Variants in CRLF1 observed in about 807,000 individuals in gnomAD.
The protein encoded by CRLF1 is cytokine receptor-like factor 1.
A neutral mutation model predicts 48.9 loss-of-function variants in CRLF1; 36 were observed. The ratio of observed to expected loss-of-function variants is 0.74; its 90% CI spans 0.56 to 0.97. The LOEUF (loss-of-function observed/expected upper bound fraction) is 0.97. Ranked by LOEUF, CRLF1 falls within the 50% of genes least tolerant of loss-of-function variation. The probability of loss-of-function intolerance (pLI) is 0.00; values close to 1 mark genes in which losing one functional copy is unlikely to be tolerated. For missense variants in CRLF1, 534 were observed against 575.1 expected (o/e 0.93, Z 0.73); for synonymous variants, 256 against 253.4 (o/e 1.01, Z -0.10).
chr19:18,601,280 T>G (rs1976217351), intron 1 of CRLF1, among the ~76,000 whole-genome samples: 1 of 136,814 alleles, frequency 7.3e-6, no homozygotes, highest in African/African-American at 2.9e-5. Flanking sequence ...GAGCACCATG[T>G]TTTTTTTTTT....
Position 18,593,529 on chromosome 19 carries a change from T to G in CRLF1, c.*37A>C. 1 of 1,609,672 alleles carries G rather than the reference T, an allele frequency of 6.2e-7. No homozygotes were observed. Among genetic ancestry groups the G allele is most frequent in the Non-Finnish European group, 8.5e-7 (1 of 1,178,528 alleles). On this transcript the variant is annotated 3_prime_UTR_variant, in exon 9 of 9. Transcript: ENST00000392386. ...CCAGTTTGGGTTCGGCCTCTGCGTC[T>G]CCACGTGGCAGGGAGGGTGGCCTGA... is the stretch of plus-strand genomic sequence containing the variant.
At chr19:18,603,870 C>G (rs1250912519) in intron 1 of CRLF1, among the ~76,000 whole-genome samples, 1 of 80,952 alleles carries the variant, frequency 1.2e-5, no homozygotes. Context: ...GGGCCAGAGC[C>G]GAGGAGGCGG....
chr19:18,600,373 AT>A (rs35218652), intron 1 of CRLF1, among the ~76,000 whole-genome samples: 91 of 107,666 alleles, frequency 8.5e-4, no homozygotes, highest in Middle Eastern at 5.8e-3. Flanking sequence ...TAACTTTTGT[AT>A]TTTTTTTTTT....
Position 18,598,544 on chromosome 19 carries a change from G to C in CRLF1, c.585C>G (p.Cys195Trp). 6.2e-7 allele frequency: 1 copy of C among 1,614,092 alleles called. No homozygotes were observed. The highest frequency in any genetic ancestry group is 8.5e-7 in the Non-Finnish European group (1 of 1,179,982). ...EEYHTVGPHS[C>W]HIPKDLALFT... is the part of the protein sequence containing the mutation. ...AGAGAGCCAGGTCCTTGGGGATGTG[G>C]CAGGAGTGGGGCCCCACTGTGTGGT... The change falls in exon 4 of 9, where the codon TGC becomes TGG. Residue 195 changes from cysteine to tryptophan, a missense_variant. Physicochemically the swap from Cys to Trp is radical, Grantham distance 215. Transcript: ENST00000392386.
chr19:18,598,792 G>GTA lies in CRLF1; in HGVS notation c.505_506dup (p.Ser170ThrfsTer65), dbSNP rs1176863429. 1 of 1,614,132 alleles carries GTA rather than the reference G, an allele frequency of 6.2e-7. No homozygotes were observed. The highest frequency in any genetic ancestry group is 1.7e-5 in the Admixed American group (1 of 60,022). On this transcript the variant is annotated frameshift_variant, in exon 3 of 9. Coordinates refer to ENST00000392386, the MANE Select transcript of CRLF1 (RefSeq NM_004750.5). LOFTEE classifies it high-confidence loss of function. ...CCAACCTAAGCTTGTACTTGAGGGA[G>GTA]TAGTTGGTGTGGAGGAAGGTCTCCC...
intron 1 of CRLF1, 100 bp from the exon 2 acceptor site, chr19:18,599,946 C>T: frequency 8.0e-7 from 1 of 1,245,668 alleles, no homozygotes; most frequent in Non-Finnish European, 1.1e-6. Flanking sequence ...TGAAAAGACG[C>T]TGTTAATGAT....
At chr19:18,604,231 C>G (rs368726230) in intron 1 of CRLF1, among the ~76,000 whole-genome samples, 1 of 152,176 alleles carries the variant, frequency 6.6e-6, no homozygotes, top group Non-Finnish European at 1.5e-5. Flanking sequence ...GGCTCACTTG[C>G]CAGCAGCTGC....
chr19:18,605,888 C>G (rs1976287179), intron 1 of CRLF1, among the ~76,000 whole-genome samples: 1 of 152,156 alleles, frequency 6.6e-6, no homozygotes, highest in Non-Finnish European at 1.5e-5. Flanking sequence ...CCCACTCGCT[C>G]ACAAAGATTC....
chr19:18,606,047 C>A lies in CRLF1; in HGVS notation c.115+495G>T, dbSNP rs997717443. 6.6e-6 allele frequency among the ~76,000 whole-genome samples: 1 copy of A among 151,622 alleles called. No homozygotes were observed. Among genetic ancestry groups the A allele is most frequent in the Admixed American group, 6.6e-5 (1 of 15,244 alleles). ...CCGTGGAGACACAAGTCCCCCGGGA[C>A]CCCGGGCTGCGCGCCAGGCGGCCAG... is the stretch of plus-strand genomic sequence containing the variant. On this transcript the variant is annotated intron_variant, in intron 1 of 8. Transcript: ENST00000392386. The surrounding 1 kb of genome is among the most constrained non-coding windows in gnomAD (Gnocchi z 4.8).
intron 6 of CRLF1, among the ~76,000 whole-genome samples, chr19:18,596,245 A>G (rs187815457): frequency 1.8e-3 from 279 of 152,270 alleles, no homozygotes; most frequent in African/African-American, 5.3e-3. Flanking sequence ...TCTTGGAGAC[A>G]ATCAGGAAAC....
chr19:18,594,147 A>G, intron 7 of CRLF1, 40 bp from the exon 8 acceptor site: 3 of 1,575,630 alleles, frequency 1.9e-6, no homozygotes, highest in Non-Finnish European at 8.6e-7. Flanking sequence ...TGGGGGCTGC[A>G]GACCTGCGTC....
At chr19:18,603,112 A>G (rs1035228078) in intron 1 of CRLF1, among the ~76,000 whole-genome samples, 7 of 152,232 alleles carry the variant, frequency 4.6e-5, no homozygotes, top group Admixed American at 1.3e-4. Context: ...GCGTTCATCT[A>G]TTCATTCACA....
chr19:18,605,966 G>C (rs892791271), intron 1 of CRLF1, among the ~76,000 whole-genome samples: 20 of 152,228 alleles, frequency 1.3e-4, no homozygotes, highest in African/African-American at 4.1e-4. Context: ...CCGGTGGCGG[G>C]GACTCCGCGG....
In CRLF1 at chr19:18,606,492, CCCG is replaced by C; in HGVS notation, c.115+47_115+49del. On this transcript the variant is annotated intron_variant, in intron 1 of 8. Transcript: ENST00000392386. This position sits in a 1 kb window ranked among gnomAD's most constrained non-coding sequence, Gnocchi z 4.8. The stretch of plus-strand genomic sequence containing the variant: ...TCCCCCCGCGGCTGCCCCCGGGGCG[CCCG>C]CCCTCTGCTCTGGCAGGGGGGAAGG... 9.0e-7 allele frequency: 1 copy of C among 1,116,316 alleles called. No homozygotes were observed. The highest frequency in any genetic ancestry group is 1.1e-6 in the Non-Finnish European group (1 of 913,624). The allele number at this position is 1,116,316 out of a possible 1,614,324, so 69.2% of individuals were successfully genotyped here. A position where few individuals can be genotyped will look rare whatever the true frequency, so the allele number is the denominator to read the frequency against.
chr19:18,603,095 C>T (rs995422524), intron 1 of CRLF1, among the ~76,000 whole-genome samples: 1 of 152,250 alleles, frequency 6.6e-6, no homozygotes, highest in Non-Finnish European at 1.5e-5. Flanking sequence ...CGCCTTTGTT[C>T]GTTCACGCGT....
In CRLF1 at chr19:18,598,616, G is replaced by A. The variant is rs974081403; in HGVS notation, c.528-15C>T. ...GGCCATACCACCTGCGGGGATGGGAGGGCGACAGGACGCATGAGGGTTCCT... is the reference window on the plus strand; with the variant it reads ...GGCCATACCACCTGCGGGGATGGGAAGGCGACAGGACGCATGAGGGTTCCT... On this transcript the variant is annotated splice_polypyrimidine_tract_variant and intron_variant, in intron 3 of 8. Transcript: ENST00000392386. 3 of 1,613,880 alleles carry A rather than the reference G, an allele frequency of 1.9e-6. No individual in the cohort carries two copies. The highest frequency in any genetic ancestry group is 2.5e-6 in the Non-Finnish European group (3 of 1,179,986).
intron 4 of CRLF1, among the ~76,000 whole-genome samples, 196 bp from the exon 5 acceptor site, chr19:18,597,245 C>T (rs1600651654): frequency 6.6e-6 from 1 of 152,152 alleles, no homozygotes; most frequent in South Asian, 2.1e-4. Context: ...TTAATGTTAG[C>T]TGTTATCACC....
At chr19:18,605,585 T>C (rs1976281500) in intron 1 of CRLF1, among the ~76,000 whole-genome samples, 1 of 152,176 alleles carries the variant, frequency 6.6e-6, no homozygotes, top group Non-Finnish European at 1.5e-5. Context: ...TCCGCGATGG[T>C]GCGCGAATGT....
rs374977336 is a variant in CRLF1, at chr19:18,596,876, G to A, written c.855+16C>T. On this transcript the variant is annotated intron_variant, in intron 5 of 8. Transcript: ENST00000392386. ...CTGGAAGGAACAGGGGCGGAGTCAG[G>A]GAAGGGGAGGGTCACCTTCCAGTCC... The A allele has an allele frequency of 7.7e-5, 124 of 1,613,916 alleles. No individual in the cohort carries two copies. The highest frequency in any genetic ancestry group is 9.7e-5 in the Non-Finnish European group (115 of 1,180,024).
Sources: gnomAD v4.1 joint callset for allele counts (sites outside exome capture counted in the v4.1 genomes callset) on GRCh38, gnomAD v4.1.1 for gene constraint, Gnocchi (gnomAD v3.1) non-coding constraint, MANE v1.5 for transcripts, NCBI Gene and HGNC (gene_info 2026-07-23, HGNC 2026-07-21) for gene names.